LARP4B: variants seen among roughly 807,000 people sequenced by gnomAD.
LARP4B encodes la-related protein 4B.
A neutral mutation model predicts 89.8 loss-of-function variants in LARP4B; 12 were observed. The observed-to-expected ratio is 0.13, with a 90% confidence interval of 0.09 to 0.22. The LOEUF is 0.22. Among genes scored for constraint, LARP4B ranks in the 10% least tolerant of loss-of-function variants. The pLI, the probability that LARP4B is intolerant of heterozygous loss-of-function variation, is 1.00. For missense variants in LARP4B, 757 were observed against 947.7 expected, an observed-to-expected ratio of 0.80 and a Z score of 2.64; for synonymous variants, 367 against 363.3, an observed-to-expected ratio of 1.01 and a Z score of -0.12.
intron 3 of LARP4B, among the ~76,000 whole-genome samples, chr10:868,015 T>C (rs1351009641): frequency 6.6e-6 from 1 of 151,986 alleles, no homozygotes; most frequent in East Asian, 1.9e-4. Flanking sequence ...GCCTGAGTTC[T>C]GATGCTTTAA....
Position 817,780 on chromosome 10 carries a change from T to C in LARP4B, c.1640A>G (p.Glu547Gly), listed in dbSNP as rs1241200849. 2 of 1,614,102 alleles carry C rather than the reference T, an allele frequency of 1.2e-6. No homozygotes were observed. Among genetic ancestry groups the C allele is most frequent in the Non-Finnish European group, 8.5e-7 (1 of 1,180,052 alleles). ...LPGAAGNLKTEDLFENRLSSL... is the reference protein window; with the variant it reads ...LPGAAGNLKTGDLFENRLSSL... ...AGATAGCCTGTTTTCAAACAAGTCC[T>C]CTGTCTTCAAATTGCCGGCAGCTCC... The change falls in exon 15 of 18, where the codon GAG (glutamate) becomes GGG (glycine). Residue 547 changes from glutamate to glycine, a missense_variant. By Grantham distance (98) the Glu-to-Gly change is moderately conservative (BLOSUM62 -2). Transcript: ENST00000316157.
At chr10:837,685 CGTGGG>C (rs1564395455) in intron 7 of LARP4B, among the ~76,000 whole-genome samples, 3 of 152,208 alleles carry the variant, frequency 2.0e-5, no homozygotes, top group Non-Finnish European at 4.4e-5. Context: ...GCCCCAGACA[CGTGGG>C]GTGCTGCAAC....
chr10:884,560 A>T (rs1022000451), intron 2 of LARP4B, 54 bp from the exon 3 acceptor site: 2 of 1,236,138 alleles, frequency 1.6e-6, no homozygotes, highest in Non-Finnish European at 1.2e-6. Flanking sequence ...AAGAAACAAC[A>T]TATTTTCAAA....
the LARP4B span, among the ~76,000 whole-genome samples, chr10:979,203 T>C: frequency 1.3e-5 from 2 of 152,350 alleles, no homozygotes; most frequent in East Asian, 1.9e-4. Context: ...CCTGTCCTTC[T>C]GGAGTACTTA....
At chr10:892,902 A>ATTTT (rs56051964) in intron 1 of LARP4B, among the ~76,000 whole-genome samples, 1 of 117,946 alleles carries the variant, frequency 8.5e-6, no homozygotes, top group African/African-American at 3.3e-5. Flanking sequence ...ACCAAGAGAA[A>ATTTT]TTTTTTTTTT....
At chr10:875,107 C>A (rs541387651) in intron 3 of LARP4B, among the ~76,000 whole-genome samples, 1 of 152,212 alleles carries the variant, frequency 6.6e-6, no homozygotes, top group South Asian at 2.1e-4. Context: ...ATCTACATGG[C>A]AAAAACGTTC....
At chr10:972,847 GCATTA>G in the LARP4B span, 1 of 456,966 alleles carries the variant, frequency 2.2e-6, no homozygotes, top group South Asian at 1.5e-5. Flanking sequence ...GCAGGTCTTG[GCATTA>G]CAGAGAATGC....
At chr10:970,550 C>T in the LARP4B span, among the ~76,000 whole-genome samples, 5 of 152,142 alleles carry the variant, frequency 3.3e-5, no homozygotes, top group African/African-American at 1.2e-4. Context: ...AAGCACTCAT[C>T]GGGACTTCTG....
intron 3 of LARP4B, among the ~76,000 whole-genome samples, chr10:874,238 C>A (rs187012428): frequency 0.027 from 3,240 of 118,534 alleles, 65 homozygotes; most frequent in Admixed American, 0.073. Context: ...CCATCTCAAA[C>A]AAAACAAAAC....
rs551970656 is a variant in LARP4B at position 877,105 on chromosome 10, A to T, written c.141+7342T>A. Among the ~76,000 whole-genome samples the T allele has an allele frequency of 7.2e-5, 11 of 152,262 alleles. 1 individual carries two copies. In the South Asian group the frequency reaches 1.9e-3, roughly 26 times the overall value. On this transcript the variant is annotated intron_variant, in intron 3 of 17. Transcript: ENST00000316157. The stretch of plus-strand genomic sequence containing the variant: ...TGTGGAGGGCCCCCAGTGCTCATCT[A>T]CCAAAACCCTTCTGCCCTCCTAGAG...
At chr10:926,797 G>A (rs1837148720) in intron 1 of LARP4B, among the ~76,000 whole-genome samples, 1 of 152,204 alleles carries the variant, frequency 6.6e-6, no homozygotes, top group African/African-American at 2.4e-5. Flanking sequence ...AGCACTCTGG[G>A]AGGCCAAGGC....
chr10:979,500 G>A, the LARP4B span, among the ~76,000 whole-genome samples: 1 of 152,186 alleles, frequency 6.6e-6, no homozygotes, highest in Non-Finnish European at 1.5e-5. Flanking sequence ...GTGTCACTGT[G>A]TTCCTCTATG....
the LARP4B span, among the ~76,000 whole-genome samples, chr10:957,603 C>T: frequency 6.6e-6 from 1 of 151,966 alleles, no homozygotes; most frequent in South Asian, 2.1e-4. Flanking sequence ...AATATAAATG[C>T]TTTTTAATAT....
chr10:950,902 G>T, the LARP4B span, among the ~76,000 whole-genome samples: 1 of 149,608 alleles, frequency 6.7e-6, no homozygotes. Flanking sequence ...GAGATTCCTT[G>T]GGATTTTCTC....
intron 5 of LARP4B, among the ~76,000 whole-genome samples, chr10:851,329 G>A (rs938865931): frequency 4.6e-5 from 7 of 152,084 alleles, no homozygotes; most frequent in South Asian, 2.1e-4. Context: ...GACCACAGGC[G>A]CCCGCCACCA....
chr10:823,130 T>A (rs905170439), intron 13 of LARP4B, among the ~76,000 whole-genome samples: 1 of 152,142 alleles, frequency 6.6e-6, no homozygotes, highest in Non-Finnish European at 1.5e-5. Context: ...TCAGAACCCA[T>A]CGCAGAAACA....
chr10:844,642 C>A (rs1393098700), intron 6 of LARP4B, among the ~76,000 whole-genome samples: 5 of 151,984 alleles, frequency 3.3e-5, no homozygotes, highest in African/African-American at 1.2e-4. Context: ...AAACAACTTG[C>A]TATCTCAGTG....
chr10:971,997 A>G, the LARP4B span: 1 of 145,722 alleles, frequency 6.9e-6, no homozygotes, highest in African/African-American at 2.7e-5. Context: ...GTGGCTCCTG[A>G]TAAGTTCATT....
chr10:959,364 TCCCACCTCCTCATCAATC>T, the LARP4B span, among the ~76,000 whole-genome samples: 12 of 143,148 alleles, frequency 8.4e-5, no homozygotes, highest in South Asian at 4.5e-4. Flanking sequence ...TCCCCGTCAA[TCCCACCTCCTCATCAATC>T]CCACCTCCTC....
Sources: allele counts gnomAD v4.1 joint callset (sites outside exome capture counted in the v4.1 genomes callset), GRCh38; gene constraint gnomAD v4.1.1; transcripts MANE v1.5; gene names NCBI Gene and HGNC (gene_info 2026-07-23, HGNC 2026-07-21).